NEK7: variants seen among roughly 807,000 people sequenced by gnomAD.
NEK7 encodes serine/threonine-protein kinase Nek7.
NEK7 carries 18 observed loss-of-function variants against 44.6 expected under a neutral mutation model. That is an observed-to-expected ratio of 0.40 (90% confidence interval 0.28 to 0.60). NEK7 has a LOEUF of 0.60. Ranked by LOEUF, NEK7 falls within the 20% of genes least tolerant of loss-of-function variation. The pLI is 0.38. For missense variants in NEK7, 256 were observed against 366.5 expected (o/e 0.70, Z 2.46); for synonymous variants, 130 against 121.1 (o/e 1.07, Z -0.48).
intron 1 of NEK7, among the ~76,000 whole-genome samples, chr1:198,218,432 A>G (rs1665988713): frequency 6.6e-6 from 1 of 152,046 alleles, no homozygotes; most frequent in African/African-American, 2.4e-5. Flanking sequence ...AAAATGGATT[A>G]AAGATTTAAA....
At chr1:198,247,613 A>G (rs1167107953) in intron 2 of NEK7, among the ~76,000 whole-genome samples, 1 of 151,930 alleles carries the variant, frequency 6.6e-6, no homozygotes, top group Non-Finnish European at 1.5e-5. Context: ...AATTTCTTGT[A>G]CTCTGGTTAT....
At chr1:198,271,924 T>TATATATATAC (rs1491392729) in intron 5 of NEK7, among the ~76,000 whole-genome samples, 2 of 134,556 alleles carry the variant, frequency 1.5e-5, no homozygotes, top group African/African-American at 5.7e-5. Context: ...TATATATATA[T>TATATATATAC]ACACACACAC....
intron 1 of NEK7, among the ~76,000 whole-genome samples, chr1:198,170,305 C>CCAGACAGA (rs1165404700): frequency 1.3e-5 from 2 of 152,060 alleles, no homozygotes; most frequent in South Asian, 2.1e-4. Context: ...TGTGTGGAGA[C>CCAGACAGA]CAGACAGAGA....
intron 7 of NEK7, among the ~76,000 whole-genome samples, chr1:198,283,589 A>G (rs903561857): frequency 6.6e-6 from 1 of 151,906 alleles, no homozygotes; most frequent in African/African-American, 2.4e-5. Flanking sequence ...GGCTAGGGAG[A>G]CTAATTGTAG....
At chr1:198,205,821 TTA>T (rs1482514184) in intron 1 of NEK7, among the ~76,000 whole-genome samples, 8 of 152,146 alleles carry the variant, frequency 5.3e-5, no homozygotes, top group African/African-American at 1.9e-4. Context: ...AAAAGGCAGC[TTA>T]CTGTAGCTTT....
intron 8 of NEK7, among the ~76,000 whole-genome samples, chr1:198,296,380 G>A (rs755665302): frequency 6.0e-4 from 91 of 152,132 alleles, no homozygotes; most frequent in Non-Finnish European, 1.1e-3. Flanking sequence ...GTACTTGCTT[G>A]CACTTTAAAT....
chr1:198,297,216 TC>T lies in NEK7; in HGVS notation c.776del (p.Pro259LeufsTer12). ...KIEQCDYPPL[P>X]SDHYSEELRQ... ...TAGAACAGTGTGACTACCCACCTCT[TC>T]CTTCAGATCACTATTCAGAAGAAGT... On this transcript the variant is annotated frameshift_variant, in exon 9 of 10. Transcript: ENST00000367385. LOFTEE classifies it high-confidence loss of function. 2 of 1,613,542 alleles carry T rather than the reference TC, an allele frequency of 1.2e-6. No individual in the cohort carries two copies. Among genetic ancestry groups the T allele is most frequent in the Non-Finnish European group, 1.7e-6 (2 of 1,179,694 alleles).
intron 1 of NEK7, chr1:198,221,064 A>G (rs1666066353): frequency 6.6e-6 from 1 of 152,120 alleles, no homozygotes; most frequent in Non-Finnish European, 1.5e-5. Flanking sequence ...AAAAAATCAG[A>G]AAACTAAAAA....
intron 7 of NEK7, among the ~76,000 whole-genome samples, chr1:198,285,789 C>T (rs972520178): frequency 6.6e-6 from 1 of 151,840 alleles, no homozygotes; most frequent in Non-Finnish European, 1.5e-5. Context: ...AGGAAAAATA[C>T]CTAATTTCAG....
intron 1 of NEK7, among the ~76,000 whole-genome samples, chr1:198,175,782 A>T (rs932995000): frequency 1.3e-5 from 2 of 152,216 alleles, no homozygotes; most frequent in African/African-American, 4.8e-5. Flanking sequence ...AATAAGTATC[A>T]TTTGTCTTTC....
At chr1:198,211,929 C>T (rs1665785113) in intron 1 of NEK7, among the ~76,000 whole-genome samples, 1 of 152,222 alleles carries the variant, frequency 6.6e-6, no homozygotes, top group Non-Finnish European at 1.5e-5. Flanking sequence ...GACGGTGACA[C>T]ACACTCCCGC....
chr1:198,265,516 A>T (rs1653621204), intron 5 of NEK7, among the ~76,000 whole-genome samples: 1 of 152,132 alleles, frequency 6.6e-6, no homozygotes, highest in African/African-American at 2.4e-5. Flanking sequence ...GCTGACATAG[A>T]GAAGCTATAG....
chr1:198,302,607 C>G (rs1654922542), intron 9 of NEK7, among the ~76,000 whole-genome samples: 1 of 151,990 alleles, frequency 6.6e-6, no homozygotes, highest in African/African-American at 2.4e-5. Context: ...GTATGAATAA[C>G]AAAAATAAAT....
intron 8 of NEK7, 116 bp from the exon 9 acceptor site, chr1:198,297,011 A>C (rs570293206): frequency 3.4e-4 from 215 of 628,422 alleles, no homozygotes; most frequent in Non-Finnish European, 1.4e-4. Context: ...CAAAATGCCC[A>C]GGTATCTCTA....
At chr1:198,311,347 T>G (rs959503445) in intron 9 of NEK7, among the ~76,000 whole-genome samples, 1 of 152,148 alleles carries the variant, frequency 6.6e-6, no homozygotes, top group Non-Finnish European at 1.5e-5. Context: ...CCTGAGACAT[T>G]GGGTTTTTGT....
At chr1:198,315,911 T>C (rs1191973320) in intron 9 of NEK7, among the ~76,000 whole-genome samples, 3 of 152,178 alleles carry the variant, frequency 2.0e-5, no homozygotes, top group Non-Finnish European at 4.4e-5. Flanking sequence ...TGGAGACAGA[T>C]AACCTGTGTT....
intron 9 of NEK7, among the ~76,000 whole-genome samples, chr1:198,314,010 T>C (rs1458871670): frequency 6.6e-6 from 1 of 151,600 alleles, no homozygotes; most frequent in Non-Finnish European, 1.5e-5. Flanking sequence ...TTCTCCCGGA[T>C]AATATCCTGC....
Position 198,222,877 on chromosome 1 carries a change from G to C in NEK7, c.-28-9676G>C, listed in dbSNP as rs374084764. ...TAAAGAGTGAAGATAAGAATCAAGC[G>C]GGGGGTGGGGGTGGATGGGGGCCGC... On this transcript the variant is annotated intron_variant, in intron 1 of 9. Coordinates refer to ENST00000367385, the MANE Select transcript of NEK7 (RefSeq NM_133494.3). Among the ~76,000 whole-genome samples the C allele has an allele frequency of 1.6e-3, 238 of 151,980 alleles. 2 individuals carry two copies. Among genetic ancestry groups the C allele is most frequent in the African/African-American group, 5.5e-3 (228 of 41,438 alleles).
Position 198,253,070 on chromosome 1 carries a change from A to T in NEK7, c.88A>T (p.Thr30Ser), listed in dbSNP as rs1395242257. The T allele has an allele frequency of 1.9e-6, 3 of 1,612,454 alleles. No homozygotes were observed. The highest frequency in any genetic ancestry group is 2.2e-5 in the South Asian group (2 of 90,960). Residue 30 changes from threonine to serine, a missense_variant, in exon 3 of 10, where the codon ACA becomes TCA. Coordinates refer to ENST00000367385, the MANE Select transcript of NEK7 (RefSeq NM_133494.3). ...CTTACGACCGGATATGGGCTATAAT[A>T]CATTAGCCAACTTTCGAATAGAAAA... ...KALRPDMGYNTLANFRIEKKI... is the reference protein window; with the variant it reads ...KALRPDMGYNSLANFRIEKKI...
Sources: gnomAD v4.1 joint callset for allele counts (sites outside exome capture counted in the v4.1 genomes callset) on GRCh38, gnomAD v4.1.1 for gene constraint, MANE v1.5 for transcripts, NCBI Gene and HGNC (gene_info 2026-07-23, HGNC 2026-07-21) for gene names.